The following GLIS3 variants were observed in gnomAD, a reference collection of about 807,000 sequenced individuals.
The protein encoded by GLIS3 is GLIS family zinc finger 3, also known as zinc finger protein GLIS3.
Under a neutral mutation model 78.6 loss-of-function variants are expected in GLIS3, and 53 were observed. The observed-to-expected ratio is 0.67, with a 90% CI of 0.54 to 0.85. The LOEUF (loss-of-function observed/expected upper bound fraction) is 0.85. Ranked by LOEUF, GLIS3 falls within the 40% of genes least tolerant of loss-of-function variation. GLIS3 has a pLI of 0.00. For synonymous variants in GLIS3, 684 were observed against 509.9 expected (o/e 1.34, Z -4.60); for missense variants, 1,703 against 1,231.1 (o/e 1.38, Z -5.74).
chr9:4,016,484 G>A (rs1426704923), intron 4 of GLIS3, among the ~76,000 whole-genome samples: 2 of 152,108 alleles, frequency 1.3e-5, no homozygotes, highest in Middle Eastern at 3.2e-3. Context: ...TGATGAGCTC[G>A]ACATAATACA....
At chr9:3,922,930 G>C (rs544677237) in intron 6 of GLIS3, among the ~76,000 whole-genome samples, 4 of 152,242 alleles carry the variant, frequency 2.6e-5, no homozygotes, top group Non-Finnish European at 4.4e-5. Flanking sequence ...GTTGGAGTTA[G>C]GATGGGGTCA....
chr9:4,008,741 C>G (rs1248982648), intron 4 of GLIS3, among the ~76,000 whole-genome samples: 1 of 152,174 alleles, frequency 6.6e-6, no homozygotes, highest in Non-Finnish European at 1.5e-5. Context: ...GCTTCTGACC[C>G]TGGTCTAAAT....
the GLIS3 span, among the ~76,000 whole-genome samples, chr9:4,457,644 G>A: frequency 4.9e-4 from 74 of 151,838 alleles, no homozygotes; most frequent in African/African-American, 1.7e-3. Context: ...TCAGGAGATC[G>A]AGACCATCCT....
intron 2 of GLIS3, among the ~76,000 whole-genome samples, chr9:4,183,684 T>C (rs1443565134): frequency 6.6e-6 from 1 of 152,212 alleles, no homozygotes. Flanking sequence ...GTTAAGTACA[T>C]CTTACAAAAT....
At chr9:4,331,317 C>T (rs967578140) in intron 2 of GLIS3, among the ~76,000 whole-genome samples, 2 of 152,180 alleles carry the variant, frequency 1.3e-5, no homozygotes, top group African/African-American at 4.8e-5. Context: ...CTCCTTGTCT[C>T]GTGACATCAA....
chr9:4,319,505 T>A (rs371637446), intron 2 of GLIS3, among the ~76,000 whole-genome samples: 1 of 151,552 alleles, frequency 6.6e-6, no homozygotes, highest in African/African-American at 2.4e-5. Context: ...TATTGTGTAA[T>A]GTGTTTTGGT....
At chr9:4,473,460 C>CAA in the GLIS3 span, among the ~76,000 whole-genome samples, 3 of 131,320 alleles carry the variant, frequency 2.3e-5, no homozygotes, top group African/African-American at 5.3e-5. Flanking sequence ...ACAACAACAA[C>CAA]AAAAAAAAAG....
chr9:4,341,315 A>G (rs1375096476), intron 2 of GLIS3, among the ~76,000 whole-genome samples: 1 of 152,228 alleles, frequency 6.6e-6, no homozygotes, highest in Non-Finnish European at 1.5e-5. Context: ...GATAAGCTCT[A>G]TTACCCTGGG....
intron 4 of GLIS3, chr9:4,054,161 C>A (rs567636760): frequency 5.3e-6 from 1 of 188,274 alleles, no homozygotes; most frequent in Admixed American, 6.5e-5. Flanking sequence ...ACCACCCACC[C>A]AAAGTCACAG....
At chr9:4,091,297 T>A (rs1829481528) in intron 4 of GLIS3, among the ~76,000 whole-genome samples, 1 of 151,860 alleles carries the variant, frequency 6.6e-6, no homozygotes. Context: ...AGCCTGGGAG[T>A]TCGAGGCTGA....
the GLIS3 span, among the ~76,000 whole-genome samples, chr9:4,417,411 T>C: frequency 6.6e-6 from 1 of 152,244 alleles, no homozygotes; most frequent in Non-Finnish European, 1.5e-5. Context: ...AAATCAATCA[T>C]ATTTTGTATA....
intron 2 of GLIS3, among the ~76,000 whole-genome samples, chr9:4,219,976 G>A (rs971233715): frequency 6.6e-6 from 1 of 152,184 alleles, no homozygotes; most frequent in Non-Finnish European, 1.5e-5. Context: ...TGATTCCAGA[G>A]CTAAGGCAAG....
intron 2 of GLIS3, among the ~76,000 whole-genome samples, chr9:4,184,746 T>C (rs1251982169): frequency 6.6e-6 from 1 of 152,208 alleles, no homozygotes; most frequent in Non-Finnish European, 1.5e-5. Flanking sequence ...CTATACAACA[T>C]CTGATAAAGT....
chr9:4,263,963 T>C (rs1192510758), intron 2 of GLIS3, among the ~76,000 whole-genome samples: 2 of 152,160 alleles, frequency 1.3e-5, no homozygotes, highest in Admixed American at 6.5e-5. Context: ...TGCAGTCTTA[T>C]GACATCAAAT....
intron 4 of GLIS3, among the ~76,000 whole-genome samples, chr9:4,042,194 G>C (rs948975508): frequency 6.6e-6 from 1 of 152,094 alleles, no homozygotes; most frequent in Non-Finnish European, 1.5e-5. Context: ...AGGATGAGTG[G>C]AGAGATTTGG....
chr9:4,359,717 T>C, the GLIS3 span, among the ~76,000 whole-genome samples: 1 of 152,200 alleles, frequency 6.6e-6, no homozygotes, highest in Non-Finnish European at 1.5e-5. Flanking sequence ...GGGAGTACAA[T>C]AAACAGACAT....
Position 4,190,180 on chromosome 9 carries a change from G to A in GLIS3, c.389-64239C>T, listed in dbSNP as rs544526496. ...CACCAGCAACGGAACAAAGCTGGAC[G>A]GAGAATGACTTTGACGAGTTGAGAG... is the stretch of plus-strand genomic sequence containing the variant. On this transcript the variant is annotated intron_variant, in intron 2 of 10. Coordinates refer to ENST00000381971, the MANE Select transcript of GLIS3 (RefSeq NM_001042413.2). Among the ~76,000 whole-genome samples the A allele has an allele frequency of 1.1e-4, 16 of 152,324 alleles. No individual in the cohort carries two copies. The East Asian group carries it at 1.3e-3, about 13-fold the overall frequency.
At chr9:3,840,037 T>C (rs753756873) in intron 9 of GLIS3, among the ~76,000 whole-genome samples, 3 of 152,210 alleles carry the variant, frequency 2.0e-5, no homozygotes, top group Non-Finnish European at 2.9e-5. Flanking sequence ...CATTAACGAA[T>C]TGTGTGTCTT....
At chr9:4,061,202 C>T (rs920458655) in intron 4 of GLIS3, among the ~76,000 whole-genome samples, 1 of 149,440 alleles carries the variant, frequency 6.7e-6, no homozygotes, top group Non-Finnish European at 1.5e-5. Context: ...TCTCCTAATG[C>T]TATCCCTCCC....
Sources: allele counts gnomAD v4.1 joint callset (sites outside exome capture counted in the v4.1 genomes callset), GRCh38; gene constraint gnomAD v4.1.1; transcripts MANE v1.5; gene names NCBI Gene and HGNC (gene_info 2026-07-23, HGNC 2026-07-21).